DGKI: variants seen among roughly 807,000 people sequenced by gnomAD.
DGKI encodes the protein DAG kinase iota.
Under a neutral mutation model 147.5 loss-of-function variants are expected in DGKI, and 55 were observed. The observed-to-expected ratio is 0.37, with a 90% CI of 0.30 to 0.47. The LOEUF is 0.47. Ranked by LOEUF, DGKI falls within the 20% of genes least tolerant of loss-of-function variation. The pLI is 1.00. For synonymous variants in DGKI, 469 were observed against 477.1 expected (o/e 0.98, Z 0.22); for missense variants, 1,007 against 1,323.8 (o/e 0.76, Z 3.71).
Position 137,846,416 on chromosome 7 carries a change from TCCCGCCGC to T in DGKI, c.401+38_401+45del. On this transcript the variant is annotated intron_variant, in intron 1 of 32. Transcript: ENST00000614521. This position sits in a 1 kb window ranked among gnomAD's most constrained non-coding sequence, Gnocchi z 4.0. ...CCCTTGCTGGGTAGAAGAGTGGGTCTCCCGCCGCGGCGCACCTGTCTCGGCTGCCGGCT... is the reference window on the plus strand; with the variant it reads ...CCCTTGCTGGGTAGAAGAGTGGGTCTGGCGCACCTGTCTCGGCTGCCGGCT... The T allele has an allele frequency of 6.9e-7, 1 of 1,457,488 alleles. No homozygotes were observed. The highest frequency in any genetic ancestry group is 2.8e-5 in the East Asian group (1 of 36,174). 90.3% of individuals were successfully genotyped at this position (1,457,488 alleles called of 1,614,324 possible).
chr7:137,836,343 C>T (rs1312931424), intron 1 of DGKI, among the ~76,000 whole-genome samples: 2 of 152,194 alleles, frequency 1.3e-5, no homozygotes, highest in African/African-American at 4.8e-5. Flanking sequence ...TCTAACTGCA[C>T]TCATGAACAT....
At chr7:137,815,879 C>G (rs1389335066) in intron 1 of DGKI, among the ~76,000 whole-genome samples, 1 of 152,072 alleles carries the variant, frequency 6.6e-6, no homozygotes, top group Non-Finnish European at 1.5e-5. Context: ...TATGGGTACC[C>G]TTTTATATTA....
At chr7:137,408,952 T>C (rs1249611400) in intron 29 of DGKI, among the ~76,000 whole-genome samples, 1 of 152,162 alleles carries the variant, frequency 6.6e-6, no homozygotes, top group Non-Finnish European at 1.5e-5. Context: ...CTCAAGAAGT[T>C]AGATGGCACA....
At chr7:137,586,089 T>C (rs1313118899) in intron 13 of DGKI, among the ~76,000 whole-genome samples, 1 of 152,124 alleles carries the variant, frequency 6.6e-6, no homozygotes, top group Non-Finnish European at 1.5e-5. Flanking sequence ...GAATATAATT[T>C]TCACAGAGCC....
intron 21 of DGKI, among the ~76,000 whole-genome samples, chr7:137,504,897 A>G (rs187230696): frequency 3.3e-5 from 5 of 152,278 alleles, no homozygotes; most frequent in Admixed American, 3.3e-4. Context: ...TTAAAATCAA[A>G]ACTTCCACTC....
chr7:137,821,082 A>T (rs569297531), intron 1 of DGKI, among the ~76,000 whole-genome samples: 12 of 152,318 alleles, frequency 7.9e-5, no homozygotes, highest in African/African-American at 2.6e-4. Context: ...TTGGTGCTAA[A>T]TGAAATCTGG....
rs60494368 is a variant in DGKI, at chr7:137,422,595, C to CTTTTTTTTTTTTTTTTTTT, written c.2762-10407_2762-10389dup. Among the ~76,000 whole-genome samples, 58 of 61,994 alleles carry CTTTTTTTTTTTTTTTTTTT rather than the reference C, an allele frequency of 9.4e-4. 7 individuals carry two copies. Among genetic ancestry groups the CTTTTTTTTTTTTTTTTTTT allele is most frequent in the Non-Finnish European group, 1.2e-3 (44 of 35,534 alleles). 40.7% of individuals were successfully genotyped at this position (61,994 alleles called of 152,430 possible). Reference sequence around the variant, plus strand: ...TTGTAAAGCATTTTCTTTTTCTTTTCTTTTTTTTTTTTTTTTTTTTTTTTT... The same window carrying CTTTTTTTTTTTTTTTTTTT: ...TTGTAAAGCATTTTCTTTTTCTTTTCTTTTTTTTTTTTTTTTTTTTTTTTTTTTTTTTTTTTTTTTTTTT... On this transcript the variant is annotated intron_variant, in intron 28 of 32. Coordinates refer to ENST00000614521, the MANE Select transcript of DGKI (RefSeq NM_001321708.2).
At chr7:137,523,524 TAAAG>T (rs2128953494) in intron 20 of DGKI, among the ~76,000 whole-genome samples, 1 of 152,164 alleles carries the variant, frequency 6.6e-6, no homozygotes, top group East Asian at 1.9e-4. Flanking sequence ...GCACAAATTC[TAAAG>T]AGAGATGGTA....
intron 1 of DGKI, among the ~76,000 whole-genome samples, chr7:137,732,908 C>T (rs1008736845): frequency 2.6e-5 from 4 of 151,840 alleles, no homozygotes; most frequent in African/African-American, 9.7e-5. Context: ...AAGAAGCCTC[C>T]TCTAGCTCGT....
chr7:137,462,625 G>A (rs561212137), intron 27 of DGKI, among the ~76,000 whole-genome samples: 133 of 152,154 alleles, frequency 8.7e-4, no homozygotes, highest in African/African-American at 3.0e-3. Context: ...CCTAGGATTC[G>A]AAGAATCTTC....
chr7:137,792,998 C>G (rs1323624821), intron 1 of DGKI, among the ~76,000 whole-genome samples: 1 of 152,212 alleles, frequency 6.6e-6, no homozygotes, highest in Admixed American at 6.5e-5. Flanking sequence ...AGCATTCACT[C>G]ATTTAATTCT....
intron 1 of DGKI, among the ~76,000 whole-genome samples, chr7:137,704,523 A>C (rs1465829905): frequency 2.6e-5 from 4 of 152,218 alleles, no homozygotes; most frequent in Admixed American, 6.5e-5. Context: ...GACCTGTGGC[A>C]GACCGTCAAG....
At chr7:137,624,600 GT>G (rs1820867059) in intron 6 of DGKI, among the ~76,000 whole-genome samples, 1 of 151,258 alleles carries the variant, frequency 6.6e-6, no homozygotes, top group South Asian at 2.1e-4. Context: ...AACCTCTCTC[GT>G]TTTTGTTTTT....
At chr7:137,490,529 T>A (rs576823066) in intron 21 of DGKI, among the ~76,000 whole-genome samples, 32 of 152,230 alleles carry the variant, frequency 2.1e-4, no homozygotes, top group Non-Finnish European at 4.0e-4. Flanking sequence ...GTAAGTTATA[T>A]GCCAGTTTTC....
chr7:137,496,443 G>T (rs568295015), intron 21 of DGKI, among the ~76,000 whole-genome samples: 3 of 151,764 alleles, frequency 2.0e-5, no homozygotes, highest in Non-Finnish European at 4.4e-5. Context: ...ATTCTTCACA[G>T]AATTAGAACA....
At chr7:137,472,130 C>T (rs567528143) in intron 23 of DGKI, among the ~76,000 whole-genome samples, 1,309 of 109,058 alleles carry the variant, frequency 0.012, 28 homozygotes, top group African/African-American at 0.049. Context: ...AATATATATA[C>T]ACATATATAT....
chr7:137,725,883 A>T (rs1177705962), intron 1 of DGKI, among the ~76,000 whole-genome samples: 1 of 152,052 alleles, frequency 6.6e-6, no homozygotes, highest in African/African-American at 2.4e-5. Flanking sequence ...ACCCAACGTG[A>T]TTTCTTTCGT....
At chr7:137,802,659 T>A (rs754780131) in intron 1 of DGKI, among the ~76,000 whole-genome samples, 3 of 152,168 alleles carry the variant, frequency 2.0e-5, no homozygotes, top group Non-Finnish European at 4.4e-5. Context: ...GAAAGATGGT[T>A]TGTGAAAAAC....
At chr7:137,604,774 T>G (rs1209005824) in intron 10 of DGKI, among the ~76,000 whole-genome samples, 1 of 151,986 alleles carries the variant, frequency 6.6e-6, no homozygotes, top group Non-Finnish European at 1.5e-5. Context: ...TGAGAGAACG[T>G]GAGGGAGAGA....
Sources: allele counts gnomAD v4.1 joint callset (sites outside exome capture counted in the v4.1 genomes callset), GRCh38; gene constraint gnomAD v4.1.1; non-coding constraint Gnocchi (gnomAD v3.1); transcripts MANE v1.5; gene names NCBI Gene and HGNC (gene_info 2026-07-23, HGNC 2026-07-21).